Variants in TMEM233 observed in about 807,000 individuals in gnomAD.
TMEM233 encodes transmembrane protein 233.
Under a neutral mutation model 11.2 loss-of-function variants are expected in TMEM233, and 6 were observed. The ratio of observed to expected loss-of-function variants is 0.54; its 90% CI spans 0.29 to 1.06. The LOEUF is 1.06. TMEM233 is among the 50% of genes least tolerant of loss of function. The probability of loss-of-function intolerance (pLI) is 0.08; values close to 1 mark genes in which losing one functional copy is unlikely to be tolerated. For synonymous variants in TMEM233, 59 were observed against 55.8 expected (o/e 1.06, Z -0.26); for missense variants, 127 against 144.7 (o/e 0.88, Z 0.63).
chr12:119,652,628 T>C, the TMEM233 span, among the ~76,000 whole-genome samples: 1 of 152,112 alleles, frequency 6.6e-6, no homozygotes, highest in African/African-American at 2.4e-5. Flanking sequence ...TGAAATTTGA[T>C]GAGAGAAATC....
intron 1 of TMEM233, among the ~76,000 whole-genome samples, chr12:119,605,275 G>T (rs115697710): frequency 6.6e-5 from 10 of 151,946 alleles, no homozygotes; most frequent in African/African-American, 2.4e-4. Flanking sequence ...CCCAGCAAGG[G>T]ACATAAGAAA....
rs1166178941 is a variant in TMEM233, at chr12:119,595,388, G to A, written c.186+1354G>A. On this transcript the variant is annotated intron_variant, in intron 1 of 2. Coordinates refer to ENST00000426426, the MANE Select transcript of TMEM233 (RefSeq NM_001136534.3). The surrounding 1 kb of genome is among the most constrained non-coding windows in gnomAD (Gnocchi z 4.3). ...GTCCGCCCACACTTGCCCACGGGTG[G>A]TGGCACCATATTCGATTCGTGGGCA... is the stretch of plus-strand genomic sequence containing the variant. Among the ~76,000 whole-genome samples, 3 of 152,370 alleles carry A rather than the reference G, an allele frequency of 2.0e-5. No homozygotes were observed. The highest frequency in any genetic ancestry group is 1.3e-4 in the Admixed American group (2 of 15,310).
chr12:119,643,960 C>T (rs1955118494), downstream of TMEM233, among the ~76,000 whole-genome samples: 2 of 152,274 alleles, frequency 1.3e-5, no homozygotes, highest in South Asian at 4.1e-4. Flanking sequence ...TCAGCCCCAA[C>T]TTGCTGAGTT....
chr12:119,632,899 G>A (rs1021787736), intron 2 of TMEM233, among the ~76,000 whole-genome samples: 46 of 152,280 alleles, frequency 3.0e-4, no homozygotes, highest in African/African-American at 1.0e-3. Flanking sequence ...TCAAAGATCA[G>A]TTTGCTCATG....
intron 1 of TMEM233, among the ~76,000 whole-genome samples, chr12:119,615,273 T>C (rs1300308688): frequency 2.0e-5 from 3 of 151,990 alleles, no homozygotes; most frequent in Admixed American, 2.0e-4. Context: ...ATTTGCATGT[T>C]TACTTATTTT....
intron 1 of TMEM233, among the ~76,000 whole-genome samples, chr12:119,605,488 TACA>T (rs1307913902): frequency 7.6e-6 from 1 of 131,290 alleles, no homozygotes; most frequent in Non-Finnish European, 1.5e-5. Context: ...AGTGCAGTGG[TACA>T]ACCACAGGTC....
At chr12:119,637,539 C>A (rs1342565469) in intron 2 of TMEM233, among the ~76,000 whole-genome samples, 3 of 152,136 alleles carry the variant, frequency 2.0e-5, no homozygotes, top group African/African-American at 7.2e-5. Flanking sequence ...GGAACTTGAC[C>A]TTTTTGCAAA....
At chr12:119,625,441 C>G (rs1323414524) in intron 1 of TMEM233, among the ~76,000 whole-genome samples, 2 of 150,518 alleles carry the variant, frequency 1.3e-5, no homozygotes, top group African/African-American at 4.9e-5. Flanking sequence ...ACGATCATAG[C>G]TCACTGCAGC....
intron 2 of TMEM233, among the ~76,000 whole-genome samples, chr12:119,639,355 C>T (rs1566115893): frequency 6.6e-6 from 1 of 151,618 alleles, no homozygotes; most frequent in South Asian, 2.1e-4. Flanking sequence ...TGGTGACTCA[C>T]ACCTGTAATC....
At chr12:119,596,629 AC>A (rs1566094363) in intron 1 of TMEM233, among the ~76,000 whole-genome samples, 5 of 150,898 alleles carry the variant, frequency 3.3e-5, no homozygotes. Context: ...ACCAGCTGGG[AC>A]TACAGACGCC....
chr12:119,610,800 C>T (rs541915592), intron 1 of TMEM233, among the ~76,000 whole-genome samples: 12 of 152,230 alleles, frequency 7.9e-5, no homozygotes, highest in East Asian at 1.9e-4. Flanking sequence ...TTTATAGCAG[C>T]GTGAAAATGG....
At chr12:119,648,296 G>GTTGA in the TMEM233 span, among the ~76,000 whole-genome samples, 2 of 152,152 alleles carry the variant, frequency 1.3e-5, no homozygotes, top group Non-Finnish European at 2.9e-5. Flanking sequence ...CCCCTAGGAT[G>GTTGA]TTGACCTTGT....
intron 1 of TMEM233, among the ~76,000 whole-genome samples, chr12:119,603,898 T>C (rs1472409317): frequency 6.6e-6 from 1 of 152,244 alleles, no homozygotes; most frequent in Non-Finnish European, 1.5e-5. Flanking sequence ...AACTGTGTTC[T>C]GCATTCCTGC....
intron 1 of TMEM233, among the ~76,000 whole-genome samples, chr12:119,603,252 C>G (rs1282922687): frequency 1.3e-5 from 2 of 152,118 alleles, no homozygotes; most frequent in African/African-American, 4.8e-5. Flanking sequence ...GCCTGGGCAA[C>G]AGAACGAGAC....
the TMEM233 span, among the ~76,000 whole-genome samples, chr12:119,650,185 T>TAATAACAA: frequency 6.6e-6 from 1 of 151,650 alleles, no homozygotes; most frequent in Non-Finnish European, 1.5e-5. Context: ...TGGGTAACTA[T>TAATAACAA]AATAACAAAC....
intron 1 of TMEM233, among the ~76,000 whole-genome samples, chr12:119,606,226 G>A (rs1016067727): frequency 6.6e-6 from 1 of 152,080 alleles, no homozygotes; most frequent in East Asian, 1.9e-4. Flanking sequence ...TTTCTTGCAC[G>A]TGGAAAAAAG....
At chr12:119,626,113 A>G (rs999087217) in intron 1 of TMEM233, among the ~76,000 whole-genome samples, 1 of 152,164 alleles carries the variant, frequency 6.6e-6, no homozygotes, top group Non-Finnish European at 1.5e-5. Flanking sequence ...TGTCTTGCAG[A>G]AAGTTGCTCA....
chr12:119,617,794 T>C (rs772823595), intron 1 of TMEM233, among the ~76,000 whole-genome samples: 4 of 151,926 alleles, frequency 2.6e-5, no homozygotes, highest in Non-Finnish European at 4.4e-5. Context: ...GATCACGCCA[T>C]TGCACTCCAA....
chr12:119,613,538 G>C (rs765049516), intron 1 of TMEM233, among the ~76,000 whole-genome samples: 3 of 152,212 alleles, frequency 2.0e-5, no homozygotes, highest in Non-Finnish European at 4.4e-5. Context: ...ACCTGGCTGA[G>C]TACAGTGGCT....
Sources: allele counts gnomAD v4.1 joint callset (sites outside exome capture counted in the v4.1 genomes callset), GRCh38; gene constraint gnomAD v4.1.1; non-coding constraint Gnocchi (gnomAD v3.1); transcripts MANE v1.5; gene names NCBI Gene and HGNC (gene_info 2026-07-23, HGNC 2026-07-21).